Variants in NR3C1 observed in about 807,000 individuals in gnomAD.
The protein encoded by NR3C1 is nuclear receptor subfamily 3 group C member 1, also known as glucocorticoid receptor.
NR3C1 carries 14 observed loss-of-function variants against 74.0 expected under a neutral mutation model. That is an observed-to-expected ratio of 0.19 (90% CI 0.12 to 0.30). The LOEUF (loss-of-function observed/expected upper bound fraction) is 0.30, where lower values mean the gene tolerates loss of function less well. NR3C1 is among the 10% of genes least tolerant of loss of function. The pLI is 1.00. For synonymous variants in NR3C1, 308 were observed against 332.5 expected (o/e 0.93, Z 0.80); for missense variants, 695 against 909.8 (o/e 0.76, Z 3.04).
intron 2 of NR3C1, among the ~76,000 whole-genome samples, chr5:143,346,605 C>T (rs2918417): frequency 0.28 from 43,096 of 152,014 alleles, 6,353 homozygotes; most frequent in Non-Finnish European, 0.32. Context: ...ATTTGGTTGA[C>T]GTCGTGATTA....
chr5:143,375,880 A>G (rs1835105089), intron 2 of NR3C1: 1 of 152,244 alleles, frequency 6.6e-6, no homozygotes, highest in South Asian at 2.1e-4. Context: ...CATTCTGAAC[A>G]GTATCTGGAT....
At chr5:143,387,027 G>A (rs986391426) in intron 2 of NR3C1, among the ~76,000 whole-genome samples, 1 of 152,232 alleles carries the variant, frequency 6.6e-6, no homozygotes, top group Non-Finnish European at 1.5e-5. Context: ...GCAGTAGACT[G>A]CAGAATGAAT....
intron 1 of NR3C1, among the ~76,000 whole-genome samples, chr5:143,420,214 C>T (rs1171220625): frequency 6.6e-6 from 1 of 152,106 alleles, no homozygotes. Context: ...ACAATTATCA[C>T]AGGGTCCTGA....
chr5:143,346,956 G>GT (rs1180266620), intron 2 of NR3C1, among the ~76,000 whole-genome samples: 1 of 152,162 alleles, frequency 6.6e-6, no homozygotes, highest in Non-Finnish European at 1.5e-5. Flanking sequence ...GCAGCAACAT[G>GT]TGTGCTCAGT....
At chr5:143,376,220 T>A (rs1469959756) in intron 2 of NR3C1, among the ~76,000 whole-genome samples, 1 of 151,828 alleles carries the variant, frequency 6.6e-6, no homozygotes, top group East Asian at 1.9e-4. Context: ...AATACATTGA[T>A]GAGATGATAC....
intron 4 of NR3C1, among the ~76,000 whole-genome samples, chr5:143,307,118 G>A (rs538565108): frequency 2.0e-5 from 3 of 152,082 alleles, no homozygotes; most frequent in South Asian, 2.1e-4. Context: ...GGATAGTCTC[G>A]ATCTCCTGAC....
chr5:143,367,478 C>T (rs2151841573), intron 2 of NR3C1, among the ~76,000 whole-genome samples: 1 of 152,264 alleles, frequency 6.6e-6, no homozygotes, highest in Middle Eastern at 3.4e-3. Context: ...TCTCTAATTG[C>T]AGATGACATG....
chr5:143,303,260 G>A (rs1430931174), intron 4 of NR3C1, among the ~76,000 whole-genome samples: 2 of 151,360 alleles, frequency 1.3e-5, no homozygotes, highest in Non-Finnish European at 3.0e-5. Flanking sequence ...GGGGCGGGTG[G>A]AGTTTACTAT....
intron 1 of NR3C1, among the ~76,000 whole-genome samples, chr5:143,431,766 T>A (rs900580309): frequency 2.0e-5 from 3 of 152,162 alleles, no homozygotes; most frequent in Non-Finnish European, 4.4e-5. Context: ...ACAGCCACCC[T>A]AGGGGCACTT....
At chr5:143,376,019 G>A (rs1406588886) in intron 2 of NR3C1, 1 of 152,038 alleles carries the variant, frequency 6.6e-6, no homozygotes, top group Admixed American at 6.6e-5. Flanking sequence ...AATTCTCAAT[G>A]TTATTTAGCT....
chr5:143,415,432 G>A (rs1246983204), intron 1 of NR3C1, among the ~76,000 whole-genome samples: 1 of 152,104 alleles, frequency 6.6e-6, no homozygotes, highest in Non-Finnish European at 1.5e-5. Context: ...CTGATGTTCT[G>A]CAGTACCATA....
In NR3C1 at chr5:143,300,433, T is replaced by C; in HGVS notation, c.1747+52A>G. On this transcript the variant is annotated intron_variant, in intron 5 of 8. Transcript: ENST00000394464. The surrounding 1 kb of genome is among the most constrained non-coding windows in gnomAD (Gnocchi z 5.2). ...GATATAAAAGCCAAAGTGTTTTTGC[T>C]GAAGAAAACACAAAGGTTTATATAG... 1.9e-6 allele frequency: 3 copies of C among 1,610,630 alleles called. No homozygotes were observed. The highest frequency in any genetic ancestry group is 1.1e-5 in the South Asian group (1 of 90,922).
chr5:143,313,922 A>G lies in NR3C1; in HGVS notation c.1351+80T>C, dbSNP rs13306587. 5.8e-4 allele frequency: 852 copies of G among 1,480,408 alleles called. 19 individuals carry two copies. The East Asian group carries it at 0.019, about 33-fold the overall frequency. The allele number at this position is 1,480,408 out of a possible 1,614,324, so 91.7% of individuals were successfully genotyped here. On this transcript the variant is annotated intron_variant, in intron 3 of 8. Coordinates refer to ENST00000394464, the MANE Select transcript of NR3C1 (RefSeq NM_000176.3). ...ATATTTAGCCTTTCATGGGCTTTGC[A>G]TATAATGGAAATTTCAAAATCCACC...
chr5:143,297,069 T>A (rs1241380232), intron 6 of NR3C1, among the ~76,000 whole-genome samples: 4 of 116,398 alleles, frequency 3.4e-5, no homozygotes, highest in Non-Finnish European at 6.7e-5. Context: ...AGAGTAAGAC[T>A]CGTCTCAAAA....
intron 2 of NR3C1, among the ~76,000 whole-genome samples, chr5:143,329,667 C>A (rs58725588): frequency 1.8e-4 from 28 of 152,226 alleles, no homozygotes; most frequent in African/African-American, 6.7e-4. Flanking sequence ...GATGTTAGAA[C>A]TCCTCTATTT....
chr5:143,373,340 G>C (rs1264943561), intron 2 of NR3C1, among the ~76,000 whole-genome samples: 2 of 151,984 alleles, frequency 1.3e-5, no homozygotes, highest in African/African-American at 4.8e-5. Flanking sequence ...ACAGAGAAAT[G>C]TATGTACTGT....
At chr5:143,357,432 G>C (rs1212274875) in intron 2 of NR3C1, among the ~76,000 whole-genome samples, 1 of 152,126 alleles carries the variant, frequency 6.6e-6, no homozygotes, top group Non-Finnish European at 1.5e-5. Context: ...GCTGAAATTG[G>C]AGAAAATCAA....
At position 143,295,595 on chromosome 5, in the gene NR3C1, GA is replaced by G; in HGVS notation, c.1893-6del. The G allele has an allele frequency of 1.2e-6, 2 of 1,609,134 alleles. No individual in the cohort carries two copies. Among genetic ancestry groups the G allele is most frequent in the Non-Finnish European group, 8.5e-7 (1 of 1,176,122 alleles). ...CAGGGTAGAGTCATTCTCTGCCTGT[GA>G]AAGATAAATAGCAGGGTATTAGTTA... On this transcript the variant is annotated splice_polypyrimidine_tract_variant and splice_region_variant and intron_variant, in intron 6 of 8. Transcript: ENST00000394464.
At chr5:143,339,459 C>T (rs1025765294) in intron 2 of NR3C1, among the ~76,000 whole-genome samples, 3 of 152,112 alleles carry the variant, frequency 2.0e-5, no homozygotes, top group Non-Finnish European at 4.4e-5. Context: ...TCTTTCAATC[C>T]TTCAACTGAG....
Sources: allele counts gnomAD v4.1 joint callset (sites outside exome capture counted in the v4.1 genomes callset), GRCh38; gene constraint gnomAD v4.1.1; non-coding constraint Gnocchi (gnomAD v3.1); transcripts MANE v1.5; gene names NCBI Gene and HGNC (gene_info 2026-07-23, HGNC 2026-07-21).